DACT2: variants seen among roughly 807,000 people sequenced by gnomAD.
DACT2 encodes dapper homolog 2.
A neutral mutation model predicts 22.2 loss-of-function variants in DACT2; 20 were observed. That is an observed-to-expected ratio of 0.90 (90% CI 0.63 to 1.31). DACT2 has a LOEUF of 1.31. Among genes scored for constraint, DACT2 ranks in the 50% most tolerant of loss-of-function variants. DACT2 has a pLI of 0.00. For synonymous variants in DACT2, 463 were observed against 479.8 expected (o/e 0.96, Z 0.46); for missense variants, 1,048 against 1,061.4 (o/e 0.99, Z 0.18).
At chr6:168,314,312 C>T (rs1002317685) in intron 1 of DACT2, among the ~76,000 whole-genome samples, 1 of 152,194 alleles carries the variant, frequency 6.6e-6, no homozygotes, top group Non-Finnish European at 1.5e-5. Context: ...CTATGCCAAA[C>T]CCCTGGGCCT....
chr6:168,310,028 C>T (rs1177817366), intron 3 of DACT2, 140 bp downstream of exon 3: 4 of 1,332,592 alleles, frequency 3.0e-6, no homozygotes, highest in East Asian at 2.7e-5. Flanking sequence ...ACGTGGCCCA[C>T]GGAGGCCTTC....
intron 1 of DACT2, among the ~76,000 whole-genome samples, chr6:168,313,213 T>G (rs1051815531): frequency 3.3e-5 from 5 of 152,012 alleles, no homozygotes; most frequent in African/African-American, 1.2e-4. Flanking sequence ...CCAGCTAAGT[T>G]TTTGTATTTT....
intron 3 of DACT2, among the ~76,000 whole-genome samples, chr6:168,300,769 G>A (rs755337189): frequency 8.5e-5 from 13 of 152,106 alleles, no homozygotes; most frequent in Non-Finnish European, 1.6e-4. Flanking sequence ...GGTGGATTAC[G>A]AGGTCAGGAG....
intron 3 of DACT2, among the ~76,000 whole-genome samples, chr6:168,296,352 C>T (rs572766131): frequency 1.4e-5 from 2 of 148,008 alleles, no homozygotes; most frequent in East Asian, 2.0e-4. Context: ...AGGACAGGCA[C>T]CCAGAATCAG....
downstream of DACT2, among the ~76,000 whole-genome samples, chr6:168,304,016 A>G (rs1443886130): frequency 6.6e-6 from 1 of 152,216 alleles, no homozygotes; most frequent in South Asian, 2.1e-4. Context: ...TTTTGTTAAA[A>G]TATTTTTATT....
Position 168,307,533 on chromosome 6 carries a change from A to T in DACT2, c.2224T>A (p.Ser742Thr). 1 of 1,551,310 alleles carries T rather than the reference A, an allele frequency of 6.4e-7. No individual in the cohort carries two copies. The highest frequency in any genetic ancestry group is 8.7e-7 in the Non-Finnish European group (1 of 1,146,890). Residue 742 changes from serine (S) to threonine (T), a missense_variant, in exon 4 of 4, where the codon TCC becomes ACC. Coordinates refer to ENST00000366795, the MANE Select transcript of DACT2 (RefSeq NM_214462.5). The surrounding 1 kb of genome is among the most constrained non-coding windows in gnomAD (Gnocchi z 5.3). ...ATACGGCACAGCTTGGGCACGGGGG[A>T]CAGGAGTGGCCCCGAGCTGACCGGG... is the stretch of plus-strand genomic sequence containing the variant. ...EAPVSSGPLLSPVPKLCRIKA... is the reference protein window; with the variant it reads ...EAPVSSGPLLTPVPKLCRIKA...
At position 168,309,106 on chromosome 6, in the gene DACT2, C is replaced by A. The variant is rs559445961; in HGVS notation, c.659-8G>T. The A allele has an allele frequency of 6.7e-7, 1 of 1,502,948 alleles. No individual in the cohort carries two copies. The highest frequency in any genetic ancestry group is 8.9e-7 in the Non-Finnish European group (1 of 1,127,766). 93.1% of individuals were successfully genotyped at this position (1,502,948 alleles called of 1,614,324 possible). ...GGGCTCTGTCAAGATCACCTGGGAGCGAGAAAAATGAACAAACACGTAACT... is the reference window on the plus strand; with the variant it reads ...GGGCTCTGTCAAGATCACCTGGGAGAGAGAAAAATGAACAAACACGTAACT... On this transcript the variant is annotated splice_polypyrimidine_tract_variant and splice_region_variant and intron_variant, in intron 3 of 3. Transcript: ENST00000366795.
intron 1 of DACT2, among the ~76,000 whole-genome samples, chr6:168,314,608 C>T (rs1353872364): frequency 6.6e-6 from 1 of 152,188 alleles, no homozygotes; most frequent in Non-Finnish European, 1.5e-5. Flanking sequence ...AAGAGAATGA[C>T]CTGATTTCCC....
intron 1 of DACT2, among the ~76,000 whole-genome samples, chr6:168,312,303 C>T (rs1343663139): frequency 6.6e-6 from 1 of 151,926 alleles, no homozygotes; most frequent in Non-Finnish European, 1.5e-5. Context: ...CTCAGGTGAT[C>T]CTCCCACCTC....
chr6:168,319,539 A>C lies in DACT2; in HGVS notation c.95T>G (p.Leu32Arg), dbSNP rs1400444267. Reference sequence around the variant, plus strand: ...CTGCTGCGTGGCTCGCAGCCCCTGCAGCTCCTGCAGCCCCGCGAACGCCGC... The same window carrying C: ...CTGCTGCGTGGCTCGCAGCCCCTGCCGCTCCTGCAGCCCCGCGAACGCCGC... ...LRAAFAGLQE[L>R]QGLRATQQER... Residue 32 changes from leucine to arginine, a missense_variant, in exon 1 of 4, where the codon CTG (leucine) becomes CGG (arginine). Transcript: ENST00000366795. The C allele has an allele frequency of 7.3e-7, 1 of 1,374,156 alleles. No homozygotes were observed. The highest frequency in any genetic ancestry group is 1.5e-5 in the African/African-American group (1 of 66,694). The allele number at this position is 1,374,156 out of a possible 1,614,324, so 85.1% of individuals were successfully genotyped here. A position where few individuals can be genotyped will look rare whatever the true frequency, so the allele number is the denominator to read the frequency against.
At position 168,308,761 on chromosome 6, in the gene DACT2, A is replaced by G. The variant is rs1433119944; in HGVS notation, c.996T>C (p.Ala332=). ...ACAGATGCAGCAACCTGTCGATATA[A>G]GCTCTGGCCCTGGCCGGGCCAGCCT... The part of the protein sequence containing the change: ...VLEAGPARAR[A]YIDRLLHLWG... Residue 332 remains alanine (A), a synonymous_variant, in exon 4 of 4, where the codon GCT becomes GCC. Coordinates refer to ENST00000366795, the MANE Select transcript of DACT2 (RefSeq NM_214462.5). 1 of 1,551,306 alleles carries G rather than the reference A, an allele frequency of 6.4e-7. No individual in the cohort carries two copies. Among genetic ancestry groups the G allele is most frequent in the Non-Finnish European group, 8.7e-7 (1 of 1,146,982 alleles).
chr6:168,311,526 A>G (rs1779399822), intron 1 of DACT2, among the ~76,000 whole-genome samples: 1 of 148,182 alleles, frequency 6.7e-6, no homozygotes, highest in Non-Finnish European at 1.5e-5. Context: ...ACACAAACAC[A>G]CACACACACC....
intron 4 of DACT2, chr6:168,294,562 T>C (rs990585609): frequency 3.0e-6 from 1 of 332,412 alleles, no homozygotes; most frequent in African/African-American, 6.4e-5. Context: ...TGTGTGTGTA[T>C]GTGTGTGTGT....
chr6:168,293,827 G>T, exon 6 of DACT2: 1 of 702,030 alleles, frequency 1.4e-6, no homozygotes, highest in East Asian at 2.7e-5. Context: ...TGGGCCTGTG[G>T]CCAGGACCCG....
intron 3 of DACT2, among the ~76,000 whole-genome samples, chr6:168,296,771 C>G (rs917097251): frequency 3.3e-5 from 5 of 152,164 alleles, no homozygotes; most frequent in African/African-American, 1.2e-4. Context: ...CTTTTTAAAA[C>G]CCACAAATCA....
In DACT2 at chr6:168,310,151, C is replaced by G. The variant is rs1189013666; in HGVS notation, c.658+17G>C. ...GTGCCTGAGATGAGACCCCCACCTTCCCTGGCAGTTTCTTACCTGTAGACA... is the reference window on the plus strand; with the variant it reads ...GTGCCTGAGATGAGACCCCCACCTTGCCTGGCAGTTTCTTACCTGTAGACA... On this transcript the variant is annotated intron_variant, in intron 3 of 3. Transcript: ENST00000366795. The G allele has an allele frequency of 6.5e-7, 1 of 1,547,268 alleles. No individual in the cohort carries two copies. Among genetic ancestry groups the G allele is most frequent in the Non-Finnish European group, 8.7e-7 (1 of 1,146,306 alleles).
At chr6:168,298,839 C>G (rs1310184051) in intron 3 of DACT2, 1 of 152,202 alleles carries the variant, frequency 6.6e-6, no homozygotes, top group Non-Finnish European at 1.5e-5. Flanking sequence ...AGCAAGCCAA[C>G]TATTCATTTC....
chr6:168,298,619 T>A (rs765029281), intron 3 of DACT2: 2 of 152,206 alleles, frequency 1.3e-5, no homozygotes, highest in African/African-American at 2.4e-5. Context: ...GATAATTCCA[T>A]CCATTCCTTC....
rs1249625496 is a variant in DACT2 at position 168,311,678 on chromosome 6, ACACT to A, written c.247-398_247-395del. On this transcript the variant is annotated intron_variant, in intron 1 of 3. Transcript: ENST00000366795. ...CACACCCATACACACATATACACAC[ACACT>A]CACACACACACATACACACATGGGT... 2.7e-3 allele frequency among the ~76,000 whole-genome samples: 413 copies of A among 151,956 alleles called. 2 individuals carry two copies. Among genetic ancestry groups the A allele is most frequent in the African/African-American group, 8.2e-3 (339 of 41,408 alleles).
Sources: gnomAD v4.1 joint callset for allele counts (sites outside exome capture counted in the v4.1 genomes callset) on GRCh38, gnomAD v4.1.1 for gene constraint, Gnocchi (gnomAD v3.1) non-coding constraint, MANE v1.5 for transcripts, NCBI Gene and HGNC (gene_info 2026-07-23, HGNC 2026-07-21) for gene names.